Variants in ADGRA3 observed in about 807,000 individuals in gnomAD.
ADGRA3 encodes the protein adhesion G protein-coupled receptor A3, also known as G-protein coupled receptor 125.
Under a neutral mutation model 119.8 loss-of-function variants are expected in ADGRA3, and 56 were observed. The observed-to-expected ratio is 0.47, with a 90% CI of 0.38 to 0.58. The LOEUF is 0.58. Among genes scored for constraint, ADGRA3 ranks in the 20% least tolerant of loss-of-function variants. The pLI, the probability that ADGRA3 is intolerant of heterozygous loss-of-function variation, is 0.00. For missense variants in ADGRA3, 1,516 were observed against 1,649.0 expected (o/e 0.92, Z 1.40); for synonymous variants, 607 against 623.8 (o/e 0.97, Z 0.40).
rs897809788 is a variant in ADGRA3 at position 22,387,454 on chromosome 4, T to C, written c.*251A>G. ...GTACAAATTACAGATTCCAAGAAAT[T>C]ACATTTCACATCCCAAAATGTCCTG... On this transcript the variant is annotated 3_prime_UTR_variant, in exon 19 of 19. Transcript: ENST00000334304. 7.6e-6 allele frequency: 3 copies of C among 394,006 alleles called. No homozygotes were observed. The highest frequency in any genetic ancestry group is 2.0e-5 in the African/African-American group (1 of 48,838). 24.4% of individuals were successfully genotyped at this position (394,006 alleles called of 1,614,324 possible). A position where few individuals can be genotyped will look rare whatever the true frequency, so the allele number is the denominator to read the frequency against.
At chr4:22,399,716 T>C (rs1377024223) in intron 16 of ADGRA3, among the ~76,000 whole-genome samples, 2 of 152,158 alleles carry the variant, frequency 1.3e-5, no homozygotes, top group African/African-American at 4.8e-5. Context: ...ACCACACTGG[T>C]TTCATTTCCA....
intron 1 of ADGRA3, among the ~76,000 whole-genome samples, chr4:22,508,328 C>A (rs1000911208): frequency 6.6e-6 from 1 of 152,170 alleles, no homozygotes; most frequent in Non-Finnish European, 1.5e-5. Flanking sequence ...CAAAGGCACA[C>A]AGGAAGCAAA....
intron 1 of ADGRA3, chr4:22,477,516 C>A (rs1225922218): frequency 6.6e-6 from 1 of 152,116 alleles, no homozygotes; most frequent in Non-Finnish European, 1.5e-5. Context: ...GAAAACTACA[C>A]AACGACCAAG....
intron 12 of ADGRA3, 37 bp from the exon 13 acceptor site, chr4:22,413,851 A>AT: frequency 1.4e-6 from 2 of 1,387,344 alleles, no homozygotes; most frequent in Non-Finnish European, 2.0e-6. Context: ...AGCTCACTAC[A>AT]TTAGTACATA....
At chr4:22,474,151 C>T (rs1560335279) in intron 1 of ADGRA3, among the ~76,000 whole-genome samples, 1 of 152,100 alleles carries the variant, frequency 6.6e-6, no homozygotes, top group South Asian at 2.1e-4. Context: ...ATAGCATGTA[C>T]ATTTATATAA....
chr4:22,502,893 GAAAAAAA>G (rs71182944), intron 1 of ADGRA3, among the ~76,000 whole-genome samples: 8 of 120,098 alleles, frequency 6.7e-5, no homozygotes, highest in African/African-American at 1.9e-4. Flanking sequence ...CTACTTAAGG[GAAAAAAA>G]AAAAAAAAAA....
rs565467607 is a variant in ADGRA3, at chr4:22,463,232, T to A, written c.330-1424A>T. ...TCCAACACTATTCTTCATTTAAGGA[T>A]GCACATGACATTGGTGAAACCAAAC... On this transcript the variant is annotated intron_variant, in intron 2 of 18. Transcript: ENST00000334304. Among the ~76,000 whole-genome samples the A allele has an allele frequency of 3.3e-5, 5 of 152,324 alleles. No individual in the cohort carries two copies. The East Asian group carries it at 7.7e-4, about 23-fold the overall frequency.
chr4:22,467,524 T>C (rs1717702115), intron 2 of ADGRA3, among the ~76,000 whole-genome samples: 1 of 152,242 alleles, frequency 6.6e-6, no homozygotes, highest in South Asian at 2.1e-4. Context: ...AAACAGCATC[T>C]ACAACAGGAA....
intron 13 of ADGRA3, 60 bp downstream of exon 13, chr4:22,413,539 AAC>A: frequency 6.7e-7 from 1 of 1,482,328 alleles, no homozygotes; most frequent in Non-Finnish European, 9.4e-7. Context: ...CATTTTTAGG[AAC>A]AGTCAACTAC....
intron 4 of ADGRA3, among the ~76,000 whole-genome samples, chr4:22,453,042 CA>C (rs1367762676): frequency 1.0e-4 from 15 of 145,750 alleles, no homozygotes; most frequent in Admixed American, 4.1e-4. Flanking sequence ...ACTAAAAATA[CA>C]AAAAAAAAAT....
intron 16 of ADGRA3, among the ~76,000 whole-genome samples, chr4:22,395,853 G>A (rs1261960592): frequency 6.6e-6 from 1 of 152,146 alleles, no homozygotes. Context: ...ATGCACAGTA[G>A]TTGACAAGTA....
intron 4 of ADGRA3, among the ~76,000 whole-genome samples, chr4:22,452,717 A>G (rs1244168696): frequency 1.3e-5 from 2 of 152,212 alleles, no homozygotes; most frequent in Non-Finnish European, 2.9e-5. Context: ...TCTTTTGCCT[A>G]AAGAACATTT....
chr4:22,442,132 T>C (rs1716638413), intron 7 of ADGRA3, among the ~76,000 whole-genome samples: 2 of 152,268 alleles, frequency 1.3e-5, no homozygotes, highest in African/African-American at 2.4e-5. Context: ...AGTGATAATA[T>C]CATATATATT....
chr4:22,395,036 C>T (rs1714293149), intron 16 of ADGRA3, among the ~76,000 whole-genome samples: 2 of 152,180 alleles, frequency 1.3e-5, no homozygotes, highest in African/African-American at 2.4e-5. Context: ...CTTGCTATCA[C>T]ATTTTCTTCC....
chr4:22,473,936 T>G (rs1717948151), intron 1 of ADGRA3, 93 bp from the exon 2 acceptor site: 1 of 682,858 alleles, frequency 1.5e-6, no homozygotes, highest in African/African-American at 1.8e-5. Context: ...TGAGAAATTC[T>G]AAGACATCAT....
chr4:22,420,079 C>T (rs1715588955), intron 12 of ADGRA3: 1 of 152,502 alleles, frequency 6.6e-6, no homozygotes, highest in African/African-American at 2.4e-5. Context: ...TCACACTAAA[C>T]CAGAACACCT....
intron 1 of ADGRA3, among the ~76,000 whole-genome samples, chr4:22,500,429 AC>A (rs1404853572): frequency 6.7e-6 from 1 of 149,788 alleles, no homozygotes; most frequent in East Asian, 2.0e-4. Context: ...TTGGCACAGC[AC>A]CTAGAACACG....
At chr4:22,494,805 C>T (rs1432924502) in intron 1 of ADGRA3, among the ~76,000 whole-genome samples, 2 of 151,912 alleles carry the variant, frequency 1.3e-5, no homozygotes, top group East Asian at 1.9e-4. Context: ...AATACATTTA[C>T]AGAAGTCAAA....
chr4:22,479,624 G>C (rs1052238775), intron 1 of ADGRA3, among the ~76,000 whole-genome samples: 1 of 152,140 alleles, frequency 6.6e-6, no homozygotes, highest in Non-Finnish European at 1.5e-5. Context: ...AATATCATTT[G>C]ACCCAGCAAT....
Sources: gnomAD v4.1 joint callset for allele counts (sites outside exome capture counted in the v4.1 genomes callset) on GRCh38, gnomAD v4.1.1 for gene constraint, MANE v1.5 for transcripts, NCBI Gene and HGNC (gene_info 2026-07-23, HGNC 2026-07-21) for gene names.